NOL10: variants seen among roughly 807,000 people sequenced by gnomAD.
NOL10 encodes nucleolar protein 10, also known as H_NH0074G24.1.
A neutral mutation model predicts 103.5 loss-of-function variants in NOL10; 58 were observed. The ratio of observed to expected loss-of-function variants is 0.56; its 90% CI spans 0.45 to 0.70. The LOEUF (loss-of-function observed/expected upper bound fraction) is 0.70, where lower values mean the gene tolerates loss of function less well. Ranked by LOEUF, NOL10 falls within the 30% of genes least tolerant of loss-of-function variation. The probability of loss-of-function intolerance (pLI) is 0.00; values close to 1 mark genes in which losing one functional copy is unlikely to be tolerated. For missense variants in NOL10, 763 were observed against 807.3 expected (o/e 0.95, Z 0.67); for synonymous variants, 287 against 282.5 (o/e 1.02, Z -0.16).
At chr2:10,630,625 G>A (rs1558303937) in intron 13 of NOL10, among the ~76,000 whole-genome samples, 1 of 152,176 alleles carries the variant, frequency 6.6e-6, no homozygotes, top group Non-Finnish European at 1.5e-5. Flanking sequence ...TGAGGCAGGA[G>A]AATGGTGTGA....
chr2:10,603,704 A>G (rs1328215111), intron 14 of NOL10, among the ~76,000 whole-genome samples: 3 of 152,222 alleles, frequency 2.0e-5, no homozygotes, highest in Non-Finnish European at 4.4e-5. Context: ...GGACTAATGA[A>G]AAGTCCACTG....
At position 10,587,044 on chromosome 2, in the gene NOL10, T is replaced by TATATATATATAC. The variant is rs1420411515; in HGVS notation, c.1844+1987_1844+1998dup. ...AATAAATAACACAAAAAGTTAAATG[T>TATATATATATAC]ATATATATATACATATATATATACA... On this transcript the variant is annotated intron_variant, in intron 19 of 20. Coordinates refer to ENST00000381685, the MANE Select transcript of NOL10 (RefSeq NM_024894.4). Among the ~76,000 whole-genome samples the TATATATATATAC allele has an allele frequency of 3.1e-4, 18 of 58,254 alleles. 2 individuals are homozygous for TATATATATATAC. Among genetic ancestry groups the TATATATATATAC allele is most frequent in the Non-Finnish European group, 4.9e-4 (12 of 24,634 alleles). 38.2% of individuals were successfully genotyped at this position (58,254 alleles called of 152,430 possible). A position where few individuals can be genotyped will look rare whatever the true frequency, so the allele number is the denominator to read the frequency against.
chr2:10,617,637 T>C (rs923728391), intron 13 of NOL10, among the ~76,000 whole-genome samples: 1 of 151,988 alleles, frequency 6.6e-6, no homozygotes, highest in Non-Finnish European at 1.5e-5. Context: ...AGGGGGAAAG[T>C]TGCCAGAGAA....
intron 3 of NOL10, among the ~76,000 whole-genome samples, chr2:10,681,272 C>A (rs1231324900): frequency 1.4e-5 from 2 of 138,310 alleles, no homozygotes; most frequent in Non-Finnish European, 3.1e-5. Flanking sequence ...AATGAAATAT[C>A]TTTTGGTAAT....
chr2:10,576,136 CATT>C (rs1184443146), intron 20 of NOL10, among the ~76,000 whole-genome samples: 2 of 152,142 alleles, frequency 1.3e-5, no homozygotes, highest in East Asian at 3.9e-4. Context: ...ATGCTCAACT[CATT>C]AGTCATTAGG....
intron 13 of NOL10, among the ~76,000 whole-genome samples, chr2:10,641,541 G>C (rs1365907595): frequency 2.0e-5 from 3 of 152,152 alleles, no homozygotes; most frequent in Non-Finnish European, 2.9e-5. Context: ...GAACAAAAAA[G>C]CTGTTTTGCT....
chr2:10,644,419 G>A (rs1678921310), intron 12 of NOL10, 47 bp from the exon 13 acceptor site: 1 of 1,369,956 alleles, frequency 7.3e-7, no homozygotes, highest in Non-Finnish European at 9.9e-7. Context: ...GAAAAAGAAA[G>A]TACCCTTTTC....
chr2:10,667,559 G>A (rs1680639686), intron 7 of NOL10, among the ~76,000 whole-genome samples: 1 of 152,174 alleles, frequency 6.6e-6, no homozygotes, highest in Non-Finnish European at 1.5e-5. Flanking sequence ...TGAGAAGAAA[G>A]GGTCACTCTA....
At chr2:10,637,844 AC>A (rs142903064) in intron 13 of NOL10, among the ~76,000 whole-genome samples, 48 of 152,320 alleles carry the variant, frequency 3.2e-4, no homozygotes, top group African/African-American at 9.9e-4. Flanking sequence ...CATGTTTTTA[AC>A]CGCCTCATTT....
At chr2:10,671,486 C>T (rs1680934920) in intron 6 of NOL10, 68 bp downstream of exon 6, 9 of 1,293,504 alleles carry the variant, frequency 7.0e-6, no homozygotes, top group South Asian at 6.9e-5. Flanking sequence ...AAAATGTACA[C>T]GAAATTTAGG....
intron 4 of NOL10, among the ~76,000 whole-genome samples, chr2:10,673,855 A>C (rs1681112588): frequency 6.6e-6 from 1 of 152,200 alleles, no homozygotes; most frequent in Admixed American, 6.5e-5. Context: ...AAACAAAATA[A>C]TTTTAAAGAC....
intron 3 of NOL10, among the ~76,000 whole-genome samples, chr2:10,678,608 T>C (rs1330624554): frequency 6.6e-6 from 1 of 152,132 alleles, no homozygotes; most frequent in Non-Finnish European, 1.5e-5. Context: ...GCACATCCCC[T>C]GAGTTCATTC....
intron 1 of NOL10, among the ~76,000 whole-genome samples, chr2:10,688,245 C>T (rs919303740): frequency 7.2e-5 from 11 of 152,168 alleles, no homozygotes. Flanking sequence ...CGACTTGAAC[C>T]CTCCCCAGCT....
intron 13 of NOL10, 22 bp from the exon 14 acceptor site, chr2:10,607,333 T>A: frequency 6.3e-7 from 1 of 1,587,252 alleles, no homozygotes; most frequent in Non-Finnish European, 8.5e-7. Flanking sequence ...TATGAGAAGG[T>A]CAGCAAAGGC....
At chr2:10,615,256 A>T (rs1676772007) in intron 13 of NOL10, among the ~76,000 whole-genome samples, 2 of 152,262 alleles carry the variant, frequency 1.3e-5, no homozygotes, top group African/African-American at 4.8e-5. Context: ...ATTTATTTTT[A>T]AAAAAGAAAA....
Position 10,575,415 on chromosome 2 carries a change from G to C in NOL10, c.1947+2221C>G, listed in dbSNP as rs1674405173. 1.3e-5 allele frequency among the ~76,000 whole-genome samples: 2 copies of C among 152,092 alleles called. 1 individual carries two copies. Among genetic ancestry groups the C allele is most frequent in the South Asian group, 4.1e-4 (2 of 4,832 alleles). ...AATAAGTAAAGTTTACTGTAAACTA[G>C]AACTCAAGTAAAACTGAGATTTAAT... On this transcript the variant is annotated intron_variant, in intron 20 of 20. Transcript: ENST00000381685.
At chr2:10,686,220 G>A (rs1469820764) in intron 1 of NOL10, among the ~76,000 whole-genome samples, 1 of 152,174 alleles carries the variant, frequency 6.6e-6, no homozygotes, top group Non-Finnish European at 1.5e-5. Context: ...AAGTGTTGGT[G>A]GAGAATTATA....
At chr2:10,677,960 T>TGC (rs537302386) in intron 3 of NOL10, among the ~76,000 whole-genome samples, 6 of 115,420 alleles carry the variant, frequency 5.2e-5, no homozygotes, top group South Asian at 3.6e-4. Flanking sequence ...TAATTTTATG[T>TGC]GCACACACAC....
At chr2:10,614,566 C>T (rs1289050051) in intron 13 of NOL10, among the ~76,000 whole-genome samples, 1 of 152,192 alleles carries the variant, frequency 6.6e-6, no homozygotes, top group Non-Finnish European at 1.5e-5. Context: ...GCAAAACCTA[C>T]ACAAATTCAT....
Sources: gnomAD v4.1 joint callset for allele counts (sites outside exome capture counted in the v4.1 genomes callset) on GRCh38, gnomAD v4.1.1 for gene constraint, MANE v1.5 for transcripts, NCBI Gene and HGNC (gene_info 2026-07-23, HGNC 2026-07-21) for gene names.